The following APOL2 variants were observed in gnomAD, a reference collection of about 807,000 sequenced individuals.
APOL2 encodes the protein apolipoprotein L2, also known as apolipoprotein L, 2.
A neutral mutation model predicts 7.1 loss-of-function variants in APOL2; 8 were observed. The observed-to-expected ratio is 1.12, with a 90% CI of 0.66 to 2.03. The LOEUF (loss-of-function observed/expected upper bound fraction) is 2.03, where lower values mean the gene tolerates loss of function less well. APOL2 is among the 30% of genes most tolerant of loss of function. APOL2 has a pLI of 0.00. For synonymous variants in APOL2, 177 were observed against 159.9 expected (o/e 1.11, Z -0.81); for missense variants, 471 against 415.1 (o/e 1.13, Z -1.17).
intron 1 of APOL2, among the ~76,000 whole-genome samples, chr22:36,235,406 G>T (rs971035127): frequency 1.3e-5 from 2 of 152,066 alleles, no homozygotes; most frequent in Non-Finnish European, 2.9e-5. Flanking sequence ...AATACAAAAG[G>T]AGTCCAGAAC....
intron 4 of APOL2, 124 bp downstream of exon 4, chr22:36,231,216 G>T: frequency 7.7e-7 from 1 of 1,296,414 alleles, no homozygotes; most frequent in Non-Finnish European, 1.1e-6. Flanking sequence ...TGCCGAGAAG[G>T]TCATCCTCAA....
intron 4 of APOL2, among the ~76,000 whole-genome samples, chr22:36,230,715 T>A (rs1274632285): frequency 6.6e-6 from 1 of 152,102 alleles, no homozygotes; most frequent in African/African-American, 2.4e-5. Flanking sequence ...CAGAAGACAG[T>A]TCCAAGTCTC....
chr22:36,232,439 G>C (rs1397481431), intron 3 of APOL2, among the ~76,000 whole-genome samples: 3 of 152,216 alleles, frequency 2.0e-5, no homozygotes, highest in African/African-American at 7.2e-5. Flanking sequence ...ACAGGGGATA[G>C]ATAGAGGAGA....
In APOL2 at chr22:36,227,991, C is replaced by T; in HGVS notation, c.427G>A (p.Gly143Arg). Residue 143 changes from glycine to arginine, a missense_variant, in exon 5 of 5, where the codon GGA becomes AGA. By Grantham distance (125) the Gly-to-Arg change is moderately radical. Transcript: ENST00000358502. ...LGLGLAPFTE[G>R]ISFVLLDTGM... ...GTGTCCAAGAGCACAAAACTGATTC[C>T]TTCTGTGAAGGGTGCCAGACCCAGG... 6.2e-7 allele frequency: 1 copy of T among 1,614,234 alleles called. No individual in the cohort carries two copies. Among genetic ancestry groups the T allele is most frequent in the Non-Finnish European group, 8.5e-7 (1 of 1,180,046 alleles).
Position 36,227,367 on chromosome 22 carries a change from C to A in APOL2, c.*37G>T. 6.5e-7 allele frequency: 1 copy of A among 1,545,250 alleles called. No homozygotes were observed. Among genetic ancestry groups the A allele is most frequent in the Non-Finnish European group, 8.7e-7 (1 of 1,149,794 alleles). On this transcript the variant is annotated 3_prime_UTR_variant, in exon 5 of 5. Transcript: ENST00000358502. ...GTCTGCATTTTGTCCTGGCCTGTGC[C>A]CGGCATTTCTGCCCTGGTGGCTGCA... is the stretch of plus-strand genomic sequence containing the variant.
intron 1 of APOL2, among the ~76,000 whole-genome samples, chr22:36,237,566 G>A (rs547626759): frequency 6.6e-6 from 1 of 152,054 alleles, no homozygotes; most frequent in South Asian, 2.1e-4. Flanking sequence ...ACGGCACCAT[G>A]CAGGACTAAT....
rs755907908 is a variant in APOL2, at chr22:36,233,215, G to A, written c.-53C>T. On this transcript the variant is annotated 5_prime_UTR_variant, in exon 3 of 5. Coordinates refer to ENST00000358502, the MANE Select transcript of APOL2 (RefSeq NM_030882.4). ...CTTTCCTTGGAGCTCTCCAGTCACT[G>A]TCCAGACTGGAAGGTTTTCCTTAAC... The A allele has an allele frequency of 5.6e-6, 9 of 1,613,976 alleles. No individual in the cohort carries two copies. In the African/African-American group the frequency reaches 9.3e-5, roughly 17 times the overall value.
chr22:36,238,540 A>C (rs55880164), intron 1 of APOL2, among the ~76,000 whole-genome samples: 19,357 of 152,128 alleles, frequency 0.13, 1,461 homozygotes, highest in African/African-American at 0.18. Context: ...TATTGAAGCA[A>C]AAATGGGTGA....
At chr22:36,236,445 A>G (rs1207710335) in intron 1 of APOL2, among the ~76,000 whole-genome samples, 1 of 152,222 alleles carries the variant, frequency 6.6e-6, no homozygotes, top group East Asian at 1.9e-4. Context: ...CTGGTGATAC[A>G]ATATTAGGAA....
chr22:36,231,494 T>C (rs762513726), intron 3 of APOL2, 28 bp from the exon 4 acceptor site: 1 of 1,609,998 alleles, frequency 6.2e-7, no homozygotes, highest in Non-Finnish European at 8.5e-7. Context: ...AGGATAAGGT[T>C]GGAGGATAGT....
At chr22:36,239,713 T>G, upstream of APOL2, 1 of 565,308 alleles carries the variant, frequency 1.8e-6, no homozygotes, top group Non-Finnish European at 3.2e-6. Context: ...GACATCCGGG[T>G]CCCTCTCATC....
intron 1 of APOL2, among the ~76,000 whole-genome samples, chr22:36,234,010 C>T (rs9610461): frequency 0.3 from 45,717 of 152,010 alleles, 7,170 homozygotes; most frequent in Middle Eastern, 0.41. Context: ...GATGCCGGCC[C>T]AGCCCCTGCT....
chr22:36,231,199 C>T (rs2015209585), intron 4 of APOL2, 141 bp downstream of exon 4: 5 of 1,085,110 alleles, frequency 4.6e-6, no homozygotes, highest in East Asian at 5.3e-5. Flanking sequence ...AAATATTCCT[C>T]CTGGAGTGCC....
intron 3 of APOL2, 81 bp downstream of exon 3, chr22:36,233,072 G>A: frequency 1.4e-6 from 2 of 1,413,748 alleles, no homozygotes; most frequent in East Asian, 2.3e-5. Context: ...GGGTTCTTCT[G>A]GGGCTCACTC....
At chr22:36,237,517 T>C (rs2146984023) in intron 1 of APOL2, among the ~76,000 whole-genome samples, 2 of 152,332 alleles carry the variant, frequency 1.3e-5, no homozygotes, top group South Asian at 4.1e-4. Flanking sequence ...CAAGTGATCC[T>C]TCTGCCTCAG....
rs2015521209 is a variant in APOL2 at position 36,239,316 on chromosome 22, C to T, written c.-134+125G>A. On this transcript the variant is annotated intron_variant, in intron 1 of 4. Transcript: ENST00000358502. The stretch of plus-strand genomic sequence containing the variant: ...CAAATCCCGGCTCTGCCACTGCTTT[C>T]CTGTCTGATCTGAACCAGCTACCTA... 4.5e-6 allele frequency: 6 copies of T among 1,330,884 alleles called. No homozygotes were observed. The South Asian group carries it at 8.7e-5, about 19-fold the overall frequency. The allele number at this position is 1,330,884 out of a possible 1,614,324, so 82.4% of individuals were successfully genotyped here. A position where few individuals can be genotyped will look rare whatever the true frequency, so the allele number is the denominator to read the frequency against.
At chr22:36,230,773 A>G (rs2015194513) in intron 4 of APOL2, among the ~76,000 whole-genome samples, 1 of 152,168 alleles carries the variant, frequency 6.6e-6, no homozygotes, top group South Asian at 2.1e-4. Flanking sequence ...AGGATCCTGG[A>G]CCAGCAGAAG....
intron 1 of APOL2, among the ~76,000 whole-genome samples, chr22:36,235,752 GGTGGGTGT>G (rs896894146): frequency 2.5e-4 from 28 of 111,572 alleles, no homozygotes; most frequent in African/African-American, 1.0e-3. Flanking sequence ...AGGGTGGGTG[GGTGGGTGT>G]GTGTGTGTGT....
At chr22:36,235,636 G>A (rs1404275852) in intron 1 of APOL2, among the ~76,000 whole-genome samples, 1 of 151,942 alleles carries the variant, frequency 6.6e-6, no homozygotes, top group African/African-American at 2.4e-5. Flanking sequence ...AAACCAAAAA[G>A]ATGACAGAGG....
Sources: gnomAD v4.1 joint callset for allele counts (sites outside exome capture counted in the v4.1 genomes callset) on GRCh38, gnomAD v4.1.1 for gene constraint, MANE v1.5 for transcripts, NCBI Gene and HGNC (gene_info 2026-07-23, HGNC 2026-07-21) for gene names.